The following UCHL5 variants were observed in gnomAD, a reference collection of about 807,000 sequenced individuals.
UCHL5 encodes ubiquitin C-terminal hydrolase L5.
Under a neutral mutation model 53.8 loss-of-function variants are expected in UCHL5, and 34 were observed. The observed-to-expected ratio is 0.63, with a 90% CI of 0.48 to 0.84. The LOEUF is 0.84. Ranked by LOEUF, UCHL5 falls within the 40% of genes least tolerant of loss-of-function variation. The pLI is 0.00. For missense variants in UCHL5, 290 were observed against 385.6 expected, an observed-to-expected ratio of 0.75 and a Z score of 2.08; for synonymous variants, 111 against 126.3, an observed-to-expected ratio of 0.88 and a Z score of 0.81.
chr1:193,024,864 TAGTAATTTGA>T (rs1332003257), intron 7 of UCHL5, among the ~76,000 whole-genome samples: 2 of 152,112 alleles, frequency 1.3e-5, no homozygotes, highest in Non-Finnish European at 2.9e-5. Flanking sequence ...AACATAACTA[TAGTAATTTGA>T]ACTATGTAAA....
intron 3 of UCHL5, among the ~76,000 whole-genome samples, chr1:193,043,462 T>A (rs1666373314): frequency 2.0e-5 from 3 of 152,202 alleles, no homozygotes; most frequent in Admixed American, 2.0e-4. Flanking sequence ...AGGCTTTCTC[T>A]CTGACAAGGT....
chr1:193,059,927 C>T (rs1250406599), upstream of UCHL5: 1 of 1,366,138 alleles, frequency 7.3e-7, no homozygotes, highest in African/African-American at 1.5e-5. The surrounding 1 kb of genome is among the most constrained non-coding windows in gnomAD (Gnocchi z 4.9). Flanking sequence ...GTCCCGCTTC[C>T]GCGCCTGTCC....
At chr1:193,057,021 A>G (rs1318587724) in intron 1 of UCHL5, among the ~76,000 whole-genome samples, 1 of 152,248 alleles carries the variant, frequency 6.6e-6, no homozygotes, top group Non-Finnish European at 1.5e-5. Context: ...TGAAGGAGTA[A>G]AAACAAACTT....
In UCHL5 at chr1:193,029,657, C is replaced by T; in HGVS notation, c.247G>A (p.Val83Ile). Residue 83 changes from valine to isoleucine, a missense_variant and splice_region_variant, in exon 4 of 11, where the codon GTA becomes ATA. Physicochemically the swap from Val to Ile is conservative, Grantham distance 29 (BLOSUM62 3). Coordinates refer to ENST00000367454, the MANE Select transcript of UCHL5 (RefSeq NM_001199261.3). ...TGAGTAGCACAAGCATTATTAATTA[C>T]CTATAAAATATAAAAGTGAAGATAT... ...RLDTIFFAKQ[V>I]INNACATQAI... 3 of 1,585,610 alleles carry T rather than the reference C, an allele frequency of 1.9e-6. No homozygotes were observed. Among genetic ancestry groups the T allele is most frequent in the Non-Finnish European group, 2.6e-6 (3 of 1,170,010 alleles).
intron 3 of UCHL5, among the ~76,000 whole-genome samples, chr1:193,036,279 G>C (rs1663361955): frequency 7.2e-6 from 1 of 139,478 alleles, no homozygotes; most frequent in African/African-American, 2.7e-5. Flanking sequence ...AGACCAAAAG[G>C]GAAAGGGTGG....
intron 3 of UCHL5, among the ~76,000 whole-genome samples, chr1:193,036,514 G>GC (rs1663560681): frequency 6.6e-6 from 1 of 151,834 alleles, no homozygotes; most frequent in Non-Finnish European, 1.5e-5. Context: ...TAAATATAAA[G>GC]CAAGTGTTTA....
chr1:193,034,695 C>T (rs187159530), intron 3 of UCHL5, among the ~76,000 whole-genome samples: 1 of 151,898 alleles, frequency 6.6e-6, no homozygotes, highest in African/African-American at 2.4e-5. Flanking sequence ...AAAACCTAAA[C>T]AAAATACTAC....
intron 1 of UCHL5, among the ~76,000 whole-genome samples, chr1:193,055,129 T>C (rs1438822955): frequency 6.6e-6 from 1 of 152,106 alleles, no homozygotes; most frequent in Non-Finnish European, 1.5e-5. Flanking sequence ...TCTCAATGGG[T>C]TTCTCCTGTT....
chr1:193,039,500 G>A (rs1664798472), intron 3 of UCHL5, among the ~76,000 whole-genome samples: 1 of 152,218 alleles, frequency 6.6e-6, no homozygotes, highest in Admixed American at 6.5e-5. Flanking sequence ...CACTGATGAA[G>A]AGTTCACCAA....
intron 3 of UCHL5, among the ~76,000 whole-genome samples, chr1:193,032,483 T>C (rs1661797714): frequency 6.6e-6 from 1 of 152,080 alleles, no homozygotes. Context: ...ACTTCATGAC[T>C]AAAACACCAA....
rs79283436 is a variant in UCHL5, at chr1:193,031,071, C to T, written c.247-1414G>A. Among the ~76,000 whole-genome samples, 889 of 152,180 alleles carry T rather than the reference C, an allele frequency of 5.8e-3. 35 individuals are homozygous for T. In the East Asian group the frequency reaches 0.12, roughly 20 times the overall value. ...CAATTAGCATTGCTGCTGACTTATA[C>T]GAATATGTATTTTGATCCGAATCAC... is the stretch of plus-strand genomic sequence containing the variant. On this transcript the variant is annotated intron_variant, in intron 3 of 10. Coordinates refer to ENST00000367454, the MANE Select transcript of UCHL5 (RefSeq NM_001199261.3).
intron 7 of UCHL5, chr1:193,027,770 A>G: frequency 4.0e-6 from 2 of 499,290 alleles, no homozygotes; most frequent in Non-Finnish European, 7.0e-6. Flanking sequence ...ATGACATACT[A>G]CTACATGAAA....
At chr1:193,029,087 C>T in intron 6 of UCHL5, 92 bp downstream of exon 6, 2 of 1,470,308 alleles carry the variant, frequency 1.4e-6, no homozygotes, top group Non-Finnish European at 1.8e-6. Context: ...GTCACTTTTA[C>T]CTTGAAAATT....
At chr1:193,033,748 A>C (rs1662373194) in intron 3 of UCHL5, among the ~76,000 whole-genome samples, 1 of 152,160 alleles carries the variant, frequency 6.6e-6, no homozygotes, top group Admixed American at 6.5e-5. Flanking sequence ...CACCAGAAAA[A>C]CAAAATAGTA....
At chr1:193,033,532 ATTAAG>A (rs1399332318) in intron 3 of UCHL5, among the ~76,000 whole-genome samples, 2 of 151,954 alleles carry the variant, frequency 1.3e-5, no homozygotes, top group Non-Finnish European at 1.5e-5. Context: ...ATATATATAT[ATTAAG>A]TTAAAAAAAT....
chr1:193,032,119 C>T (rs1160774189), intron 3 of UCHL5, among the ~76,000 whole-genome samples: 1 of 152,124 alleles, frequency 6.6e-6, no homozygotes, highest in Non-Finnish European at 1.5e-5. Flanking sequence ...ATGATGACAA[C>T]CTGATACTGA....
intron 3 of UCHL5, among the ~76,000 whole-genome samples, chr1:193,038,410 G>A (rs1054727169): frequency 6.7e-6 from 1 of 149,176 alleles, no homozygotes; most frequent in Non-Finnish European, 1.5e-5. Flanking sequence ...AGCCGAGATC[G>A]CGCCACTGCA....
chr1:193,049,572 CA>C, intron 3 of UCHL5, 173 bp downstream of exon 3: 1 of 446,110 alleles, frequency 2.2e-6, no homozygotes, highest in Non-Finnish European at 4.0e-6. Context: ...ATCCCAGAAA[CA>C]AAAGCTCTTT....
chr1:193,052,702 T>C (rs1453895164), intron 1 of UCHL5, among the ~76,000 whole-genome samples: 1 of 152,164 alleles, frequency 6.6e-6, no homozygotes, highest in Non-Finnish European at 1.5e-5. Flanking sequence ...ATTAATGAGA[T>C]AATGTAGAAG....
Sources: gnomAD v4.1 joint callset for allele counts (sites outside exome capture counted in the v4.1 genomes callset) on GRCh38, gnomAD v4.1.1 for gene constraint, Gnocchi (gnomAD v3.1) non-coding constraint, MANE v1.5 for transcripts, NCBI Gene and HGNC (gene_info 2026-07-23, HGNC 2026-07-21) for gene names.